EPHA6: variants seen among roughly 807,000 people sequenced by gnomAD.
EPHA6 encodes the protein ephrin type-A receptor 6.
EPHA6 carries 50 observed loss-of-function variants against 112.0 expected under a neutral mutation model. The observed-to-expected ratio is 0.45, with a 90% confidence interval of 0.36 to 0.56. EPHA6 has a LOEUF of 0.56. Ranked by LOEUF, EPHA6 falls within the 20% of genes least tolerant of loss-of-function variation. The pLI, the probability that EPHA6 is intolerant of heterozygous loss-of-function variation, is 0.00. For missense variants in EPHA6, 1,280 were observed against 1,417.4 expected, an observed-to-expected ratio of 0.90 and a Z score of 1.56; for synonymous variants, 529 against 490.7, an observed-to-expected ratio of 1.08 and a Z score of -1.03.
intron 7 of EPHA6, among the ~76,000 whole-genome samples, chr3:97,475,146 T>A (rs1164753936): frequency 6.6e-6 from 1 of 152,078 alleles, no homozygotes; most frequent in Non-Finnish European, 1.5e-5. Context: ...CAGGTTTATG[T>A]TGTGGGTTAT....
At chr3:97,103,829 T>C (rs2047482016) in intron 3 of EPHA6, among the ~76,000 whole-genome samples, 1 of 152,082 alleles carries the variant, frequency 6.6e-6, no homozygotes, top group Admixed American at 6.6e-5. Context: ...CTTTGAGCAG[T>C]GTTTTGTAGT....
chr3:96,817,923 T>C (rs552753552), intron 1 of EPHA6, among the ~76,000 whole-genome samples: 1 of 152,026 alleles, frequency 6.6e-6, no homozygotes, highest in East Asian at 1.9e-4. Context: ...ACTGTAAAGA[T>C]GAAATAAATC....
chr3:96,910,061 C>T (rs757032894), intron 2 of EPHA6, among the ~76,000 whole-genome samples: 2 of 151,956 alleles, frequency 1.3e-5, no homozygotes, highest in Non-Finnish European at 2.9e-5. Context: ...CCAATAAAGT[C>T]TTTCTTATAT....
intron 3 of EPHA6, among the ~76,000 whole-genome samples, chr3:97,070,397 A>G (rs58768816): frequency 4.7e-4 from 72 of 152,252 alleles, no homozygotes; most frequent in African/African-American, 1.6e-3. Flanking sequence ...ATGAATTAAC[A>G]TATGCAGATT....
At chr3:97,039,753 A>G (rs1383365136) in intron 3 of EPHA6, among the ~76,000 whole-genome samples, 1 of 152,060 alleles carries the variant, frequency 6.6e-6, no homozygotes, top group African/African-American at 2.4e-5. Flanking sequence ...TGTTTGCCAC[A>G]AGTTTACAGC....
chr3:97,363,257 A>C, intron 5 of EPHA6, among the ~76,000 whole-genome samples: 1 of 119,656 alleles, frequency 8.4e-6, no homozygotes, highest in South Asian at 2.6e-4. Flanking sequence ...ATGCTACAAA[A>C]ACTAAAGTAA....
At chr3:96,894,760 G>T (rs1277690858) in intron 2 of EPHA6, among the ~76,000 whole-genome samples, 1 of 152,078 alleles carries the variant, frequency 6.6e-6, no homozygotes, top group Non-Finnish European at 1.5e-5. Flanking sequence ...CTTATAGGTG[G>T]TTCCTGAGAA....
intron 3 of EPHA6, among the ~76,000 whole-genome samples, chr3:97,029,825 C>T (rs974796764): frequency 1.3e-5 from 2 of 151,892 alleles, no homozygotes; most frequent in African/African-American, 4.8e-5. Flanking sequence ...TTTTATTAAC[C>T]AATGGATTAA....
intron 3 of EPHA6, among the ~76,000 whole-genome samples, chr3:97,113,072 A>G (rs2108286342): frequency 6.6e-6 from 1 of 152,196 alleles, no homozygotes; most frequent in African/African-American, 2.4e-5. Flanking sequence ...GCTATGTGTC[A>G]GGCCCTCAAC....
intron 2 of EPHA6, among the ~76,000 whole-genome samples, chr3:96,935,570 T>G (rs991173324): frequency 2.0e-5 from 3 of 149,640 alleles, no homozygotes; most frequent in Non-Finnish European, 4.5e-5. Flanking sequence ...TATATAAAGA[T>G]AGCATATAAA....
intron 5 of EPHA6, among the ~76,000 whole-genome samples, chr3:97,319,677 A>C (rs922423324): frequency 2.0e-5 from 3 of 151,140 alleles, no homozygotes; most frequent in African/African-American, 7.3e-5. Context: ...CAAAAAAAAA[A>C]AAACAAAAAA....
intron 5 of EPHA6, among the ~76,000 whole-genome samples, chr3:97,307,620 T>C (rs1284439806): frequency 6.6e-6 from 1 of 151,572 alleles, no homozygotes; most frequent in Non-Finnish European, 1.5e-5. Context: ...CTTTTTTTTT[T>C]TCTTTAAAGG....
At chr3:97,593,708 A>T (rs1212805612) in intron 12 of EPHA6, among the ~76,000 whole-genome samples, 15 of 152,172 alleles carry the variant, frequency 9.9e-5, no homozygotes. Flanking sequence ...AAATCTTAAG[A>T]CTATTCTACA....
chr3:97,134,571 C>A (rs897875772), intron 3 of EPHA6, among the ~76,000 whole-genome samples: 1 of 152,038 alleles, frequency 6.6e-6, no homozygotes, highest in Admixed American at 6.6e-5. Flanking sequence ...GAAGAACTAA[C>A]CAAGTAAAAT....
At chr3:96,840,287 A>G (rs1201255680) in intron 1 of EPHA6, among the ~76,000 whole-genome samples, 1 of 152,112 alleles carries the variant, frequency 6.6e-6, no homozygotes, top group Non-Finnish European at 1.5e-5. Context: ...GGCAAAATAT[A>G]TACACCTCTT....
intron 6 of EPHA6, among the ~76,000 whole-genome samples, chr3:97,432,374 G>A (rs1004011916): frequency 4.6e-5 from 7 of 152,098 alleles, no homozygotes; most frequent in African/African-American, 7.2e-5. Flanking sequence ...AACATTTAAT[G>A]AGGATGTCCC....
At chr3:96,862,356 C>T (rs554209000) in intron 1 of EPHA6, among the ~76,000 whole-genome samples, 1 of 151,844 alleles carries the variant, frequency 6.6e-6, no homozygotes, top group South Asian at 2.1e-4. Flanking sequence ...AACTCAGAAC[C>T]TTAAGCTGGG....
intron 15 of EPHA6, among the ~76,000 whole-genome samples, chr3:97,724,712 A>G (rs1277735031): frequency 6.6e-6 from 1 of 152,030 alleles, no homozygotes; most frequent in Non-Finnish European, 1.5e-5. Flanking sequence ...ATGATGTGTC[A>G]CTGTACTCCA....
rs869066174 is a variant in EPHA6, at chr3:97,365,396, C to CT, written c.1607-39742dup. On this transcript the variant is annotated intron_variant, in intron 5 of 17. Coordinates refer to ENST00000389672, the MANE Select transcript of EPHA6 (RefSeq NM_001080448.3). ...ATTATGACAGGAAAAATCATAAAGA[C>CT]TTTTTTTTTTTTGAGATGGGAGTCT... is the stretch of plus-strand genomic sequence containing the variant. Among the ~76,000 whole-genome samples, 506 of 145,708 alleles carry CT rather than the reference C, an allele frequency of 3.5e-3. 1 individual carries two copies. The highest frequency in any genetic ancestry group is 5.3e-3 in the African/African-American group (212 of 39,992).
Sources: allele counts gnomAD v4.1 joint callset (sites outside exome capture counted in the v4.1 genomes callset), GRCh38; gene constraint gnomAD v4.1.1; transcripts MANE v1.5; gene names NCBI Gene and HGNC (gene_info 2026-07-23, HGNC 2026-07-21).